Variants in ESR1 observed in about 807,000 individuals in gnomAD.
ESR1 encodes the protein estrogen receptor.
In ESR1, 12 loss-of-function variants were observed where a neutral mutation model predicts 52.7. That is an observed-to-expected ratio of 0.23 (90% CI 0.15 to 0.37). The LOEUF (loss-of-function observed/expected upper bound fraction) is 0.37, where lower values mean the gene tolerates loss of function less well. ESR1 is among the 10% of genes least tolerant of loss of function. The pLI is 1.00. For missense variants in ESR1, 584 were observed against 779.7 expected (o/e 0.75, Z 2.99); for synonymous variants, 305 against 316.8 (o/e 0.96, Z 0.39).
intron 6 of ESR1, among the ~76,000 whole-genome samples, chr6:152,065,206 T>C (rs767968459): frequency 6.6e-6 from 1 of 152,258 alleles, no homozygotes; most frequent in East Asian, 1.9e-4. Context: ...CTATTAATTA[T>C]GCCACGTAAT....
chr6:151,752,571 C>T (rs1783983862), intron 2 of ESR1, among the ~76,000 whole-genome samples: 1 of 149,482 alleles, frequency 6.7e-6, no homozygotes, highest in Non-Finnish European at 1.5e-5. Context: ...AAAAAAATTA[C>T]AGTTCAAAAT....
intron 5 of ESR1, among the ~76,000 whole-genome samples, chr6:152,031,157 A>G (rs1457763251): frequency 2.0e-5 from 3 of 152,252 alleles, no homozygotes; most frequent in Non-Finnish European, 2.9e-5. Flanking sequence ...AGGGAACTTT[A>G]TAGCACTAAA....
In ESR1 at chr6:151,808,348, C is replaced by G. The variant is rs1478131762; in HGVS notation, c.436C>G (p.Pro146Ala). Residue 146 changes from proline to alanine, a missense_variant, in exon 1 of 8, where the codon CCG becomes GCG. Pro to Ala is a conservative substitution (Grantham distance 27). Around this residue, in one of 6 missense-constraint regions of ESR1, gnomAD observed 251 missense variants for 246.1 expected, o/e 1.02. Coordinates refer to ENST00000206249, the MANE Select transcript of ESR1 (RefSeq NM_000125.4). ...CGGCTACACGGTGCGCGAGGCCGGC[C>G]CGCCGGCATTCTACAGGTACCCGCG... ...PSGYTVREAG[P>A]PAFYRPNSDN... 7.9e-6 allele frequency: 12 copies of G among 1,520,350 alleles called. No individual in the cohort carries two copies. In the East Asian group the frequency reaches 2.7e-4, roughly 34 times the overall value. 94.2% of individuals were successfully genotyped at this position (1,520,350 alleles called of 1,614,324 possible). A position where few individuals can be genotyped will look rare whatever the true frequency, so the allele number is the denominator to read the frequency against.
At chr6:151,702,401 T>A (rs1056771200) in intron 2 of ESR1, among the ~76,000 whole-genome samples, 1 of 152,208 alleles carries the variant, frequency 6.6e-6, no homozygotes, top group Admixed American at 6.5e-5. Flanking sequence ...TACCATAGTT[T>A]CCAGCAAGTG....
exon 7 of ESR1, chr6:152,125,700 A>G (rs909290522): frequency 5.3e-6 from 1 of 186,994 alleles, no homozygotes; most frequent in Admixed American, 5.9e-5. Context: ...AATTTTCATT[A>G]GGAGACATTT....
intron 2 of ESR1, among the ~76,000 whole-genome samples, chr6:151,764,047 A>G (rs1784855632): frequency 6.6e-6 from 1 of 152,036 alleles, no homozygotes; most frequent in Non-Finnish European, 1.5e-5. Flanking sequence ...TGCTGGAGCA[A>G]AGCGCGGGGG....
chr6:152,114,949 A>G (rs2051192899), intron 6 of ESR1, among the ~76,000 whole-genome samples: 1 of 151,576 alleles, frequency 6.6e-6, no homozygotes, highest in African/African-American at 2.4e-5. Flanking sequence ...TAAGAACTGA[A>G]GTACTTTTCT....
downstream of ESR1, among the ~76,000 whole-genome samples, chr6:152,104,940 T>C (rs1585268573): frequency 6.6e-6 from 1 of 152,074 alleles, no homozygotes; most frequent in East Asian, 1.9e-4. Flanking sequence ...CAGTGGCCAC[T>C]GATGTAATTA....
At chr6:151,814,076 G>T (rs1779244180) in intron 1 of ESR1, 1 of 152,204 alleles carries the variant, frequency 6.6e-6, no homozygotes, top group Non-Finnish European at 1.5e-5. Context: ...CATTCTGCCT[G>T]TTCCTAAACG....
intron 2 of ESR1, among the ~76,000 whole-genome samples, chr6:151,796,487 T>TAAAGC (rs1302654297): frequency 6.6e-6 from 1 of 152,216 alleles, no homozygotes; most frequent in African/African-American, 2.4e-5. Context: ...TTTTCAAGTT[T>TAAAGC]AAAGCACCAA....
At chr6:151,907,789 A>G (rs971686975) in intron 3 of ESR1, among the ~76,000 whole-genome samples, 21 of 152,186 alleles carry the variant, frequency 1.4e-4, no homozygotes, top group Admixed American at 6.5e-5. Flanking sequence ...GACTTTCGCC[A>G]TATATTGTCA....
intron 1 of ESR1, among the ~76,000 whole-genome samples, chr6:151,812,518 G>A (rs1778980645): frequency 6.6e-6 from 1 of 152,060 alleles, no homozygotes; most frequent in Non-Finnish European, 1.5e-5. Flanking sequence ...CTGATTATGT[G>A]TAAACAATTT....
rs759447071 is a variant in ESR1 at position 152,122,542 on chromosome 6, C to T, written c.851-2724C>T. 19 of 1,614,180 alleles carry T rather than the reference C, an allele frequency of 1.2e-5. No individual in the cohort carries two copies. The South Asian group carries it at 2.1e-4, about 18-fold the overall frequency. ...GTCTTCCTCTGACATTGGTACAAGG[C>T]AGGCAAGCCCGATGAGGAGGAGCAG... On this transcript the variant is annotated intron_variant, in intron 6 of 6. Transcript: ENST00000427531.
At chr6:151,904,617 T>G (rs903612803) in intron 3 of ESR1, among the ~76,000 whole-genome samples, 2 of 152,204 alleles carry the variant, frequency 1.3e-5, no homozygotes. Context: ...AACACATTCA[T>G]GCATATTCTT....
chr6:151,782,092 G>A lies in ESR1; in HGVS notation c.-70-25751G>A, dbSNP rs114523015. ...GAAAAAGTTGGGATCTTGGATTGTT[G>A]AGTTCAAATCCTTAGTTTTAAAACT... On this transcript the variant is annotated intron_variant, in intron 2 of 2. Transcript: ENST00000404742. Among the ~76,000 whole-genome samples the A allele has an allele frequency of 9.0e-3, 1,363 of 152,232 alleles. 18 individuals carry two copies. The highest frequency in any genetic ancestry group is 0.032 in the African/African-American group (1,328 of 41,548).
At chr6:151,791,867 T>G (rs1228685529) in intron 2 of ESR1, among the ~76,000 whole-genome samples, 1 of 152,210 alleles carries the variant, frequency 6.6e-6, no homozygotes, top group Non-Finnish European at 1.5e-5. Flanking sequence ...CTACACAAAG[T>G]TAGACAACAA....
intron 2 of ESR1, among the ~76,000 whole-genome samples, chr6:151,850,440 GGAGAGA>G (rs139891345): frequency 1.3e-5 from 2 of 148,672 alleles, no homozygotes; most frequent in Non-Finnish European, 3.0e-5. Flanking sequence ...GAGAGAGGGA[GGAGAGA>G]GAGAGAGAGA....
chr6:152,079,838 G>T (rs1185079270), intron 6 of ESR1, among the ~76,000 whole-genome samples: 14 of 152,210 alleles, frequency 9.2e-5, no homozygotes, highest in Non-Finnish European at 2.1e-4. Context: ...AGAACTTCGT[G>T]ATGTATGCAC....
intron 4 of ESR1, among the ~76,000 whole-genome samples, chr6:151,953,021 T>A (rs565142556): frequency 9.2e-5 from 14 of 152,348 alleles, no homozygotes; most frequent in African/African-American, 3.1e-4. Flanking sequence ...GAAATACTAG[T>A]TTTCACAAAT....
Sources: allele counts gnomAD v4.1 joint callset (sites outside exome capture counted in the v4.1 genomes callset), GRCh38; gene constraint gnomAD v4.1.1; regional missense constraint gnomAD v4.1.1; transcripts MANE v1.5; gene names NCBI Gene and HGNC (gene_info 2026-07-23, HGNC 2026-07-21).